The following TUBB variants were observed in gnomAD, a reference collection of about 807,000 sequenced individuals.
The protein encoded by TUBB is tubulin beta class I.
A neutral mutation model predicts 35.1 loss-of-function variants in TUBB; 2 were observed. That is an observed-to-expected ratio of 0.06 (90% CI 0.02 to 0.18). The LOEUF (loss-of-function observed/expected upper bound fraction) is 0.18, where lower values mean the gene tolerates loss of function less well. TUBB is among the 10% of genes least tolerant of loss of function. The pLI is 1.00. For missense variants in TUBB, 50 were observed against 599.4 expected, an observed-to-expected ratio of 0.08 and a Z score of 9.57; for synonymous variants, 205 against 223.8, an observed-to-expected ratio of 0.92 and a Z score of 0.75.
chr6:30,722,707 C>T, intron 2 of TUBB, 62 bp downstream of exon 2: 3 of 1,416,632 alleles, frequency 2.1e-6, no homozygotes, highest in South Asian at 1.2e-5. Context: ...TCTGGGATCT[C>T]TTTCCATTTC....
At chr6:30,720,589 T>C in intron 1 of TUBB, 26 bp downstream of exon 1, 2 of 1,599,658 alleles carry the variant, frequency 1.3e-6, no homozygotes, top group Non-Finnish European at 1.7e-6. Flanking sequence ...CTCTTTTATT[T>C]CTTTTTACAA....
chr6:30,720,448 T>G lies in TUBB; in HGVS notation c.-59T>G. The G allele has an allele frequency of 6.4e-7, 1 of 1,570,440 alleles. No homozygotes were observed. The highest frequency in any genetic ancestry group is 1.1e-5 in the South Asian group (1 of 90,048). On this transcript the variant is annotated 5_prime_UTR_variant, in exon 1 of 4. Coordinates refer to ENST00000327892, the MANE Select transcript of TUBB (RefSeq NM_178014.4). ...GCCTGCGACCTGCGGAGAAAAAAAA[T>G]TACTTATTTTCTTGCCCCATACATA...
At chr6:30,722,686 T>C in intron 2 of TUBB, 41 bp downstream of exon 2, 1 of 1,508,414 alleles carries the variant, frequency 6.6e-7, no homozygotes, top group Non-Finnish European at 9.2e-7. Flanking sequence ...CCCTTCCCTG[T>C]CTCCCACTTA....
chr6:30,722,801 A>C, intron 2 of TUBB, 117 bp from the exon 3 acceptor site: 1 of 1,134,808 alleles, frequency 8.8e-7, no homozygotes, highest in East Asian at 2.5e-5. Flanking sequence ...GTCTGCTGCC[A>C]CCTGGTGGCG....
intron 1 of TUBB, among the ~76,000 whole-genome samples, chr6:30,720,919 G>T (rs1385618907): frequency 1.3e-5 from 2 of 152,270 alleles, no homozygotes; most frequent in African/African-American, 4.8e-5. Context: ...TTTTGCCCAT[G>T]TGCATCCCGC....
At chr6:30,721,137 A>G (rs991736825) in intron 1 of TUBB, among the ~76,000 whole-genome samples, 4 of 152,234 alleles carry the variant, frequency 2.6e-5, no homozygotes, top group East Asian at 1.9e-4. Flanking sequence ...TGGAAGGAGA[A>G]TAAGAACGGG....
In TUBB at chr6:30,720,484, A is replaced by G; in HGVS notation, c.-23A>G. The G allele has an allele frequency of 6.2e-7, 1 of 1,614,080 alleles. No homozygotes were observed. The highest frequency in any genetic ancestry group is 8.5e-7 in the Non-Finnish European group (1 of 1,179,902). On this transcript the variant is annotated 5_prime_UTR_variant, in exon 1 of 4. Transcript: ENST00000327892. ...CTTGCCCCATACATACCTTGAGGCG[A>G]GCAAAAAAATTAAATTTTAACCATG...
chr6:30,722,233 CA>C, intron 1 of TUBB: 1 of 326,472 alleles, frequency 3.1e-6, no homozygotes. Flanking sequence ...ATCACGAGGT[CA>C]AGAGATCTAG....
chr6:30,724,137 C>T lies in TUBB; in HGVS notation c.1075C>T (p.Arg359Cys). Residue 359 changes from arginine (R) to cysteine (C), a missense_variant, in exon 4 of 4, where the codon CGT becomes TGT. Transcript: ENST00000327892. This position sits in a 1 kb window ranked among gnomAD's most constrained non-coding sequence, Gnocchi z 4.4. Reference sequence around the variant, plus strand: ...GACAGCCGTCTGTGACATCCCACCTCGTGGCCTCAAGATGGCAGTCACCTT... The same window carrying T: ...GACAGCCGTCTGTGACATCCCACCTTGTGGCCTCAAGATGGCAGTCACCTT... ...VKTAVCDIPP[R>C]GLKMAVTFIG... is the part of the protein sequence containing the mutation. 4 of 1,614,108 alleles carry T rather than the reference C, an allele frequency of 2.5e-6. No individual in the cohort carries two copies. The highest frequency in any genetic ancestry group is 1.7e-6 in the Non-Finnish European group (2 of 1,179,976).
At chr6:30,722,776 G>A (rs1776376466) in intron 2 of TUBB, 131 bp downstream of exon 2, 2 of 1,123,738 alleles carry the variant, frequency 1.8e-6, no homozygotes, top group Non-Finnish European at 2.6e-6. Flanking sequence ...GTGAACCACC[G>A]TCGGGGCCAA....
intron 1 of TUBB, chr6:30,721,541 A>G (rs1776251955): frequency 7.1e-6 from 7 of 984,870 alleles, no homozygotes; most frequent in South Asian, 9.4e-5. Context: ...GGCCCCGCCC[A>G]CGCGCGAAGT....
At chr6:30,722,374 C>CA in intron 1 of TUBB, 163 bp from the exon 2 acceptor site, 2 of 600,678 alleles carry the variant, frequency 3.3e-6, no homozygotes, top group Non-Finnish European at 6.0e-6. Flanking sequence ...ACCCGGGAAG[C>CA]AGAGGTTGCA....
rs3214320 is a variant in TUBB, at chr6:30,724,516, TGG to T, written c.*126_*127del. The T allele has an allele frequency of 2.6e-5, 22 of 860,650 alleles. No individual in the cohort carries two copies. In the East Asian group the frequency reaches 5.6e-4, roughly 22 times the overall value. The allele number at this position is 860,650 out of a possible 1,614,324, so 53.3% of individuals were successfully genotyped here. On this transcript the variant is annotated 3_prime_UTR_variant, in exon 4 of 4. Coordinates refer to ENST00000327892, the MANE Select transcript of TUBB (RefSeq NM_178014.4). This position sits in a 1 kb window ranked among gnomAD's most constrained non-coding sequence, Gnocchi z 4.4. ...CTATCTTGTTTTTTGTTTTTTCTTCTGGGGGGGGTCTAGAACAGTGCCTGGCA... is the reference window on the plus strand; with the variant it reads ...CTATCTTGTTTTTTGTTTTTTCTTCTGGGGGGTCTAGAACAGTGCCTGGCA...
chr6:30,720,369 C>T lies in TUBB; in HGVS notation c.-138C>T. The T allele has an allele frequency of 3.7e-6, 3 of 803,446 alleles. No individual in the cohort carries two copies. 49.8% of individuals were successfully genotyped at this position (803,446 alleles called of 1,614,324 possible). On this transcript the variant is annotated 5_prime_UTR_variant, in exon 1 of 4. Transcript: ENST00000327892. ...CTTTCTCCCTCTCAGAACCTTCCTG[C>T]CGTCGCGTTTGCACCTCGCTGCTCC...
rs1776450425 is a variant in TUBB at position 30,723,887 on chromosome 6, C to T, written c.825C>T (p.Ser275=). 1 of 1,614,050 alleles carries T rather than the reference C, an allele frequency of 6.2e-7. No individual in the cohort carries two copies. The highest frequency in any genetic ancestry group is 1.7e-5 in the Admixed American group (1 of 60,004). Residue 275 remains serine, a synonymous_variant, in exon 4 of 4, where the codon AGC becomes AGT. Coordinates refer to ENST00000327892, the MANE Select transcript of TUBB (RefSeq NM_178014.4). ...TGCCTGGCTTTGCCCCTCTCACCAG[C>T]CGTGGAAGCCAGCAGTATCGAGCTC... ...FFMPGFAPLT[S]RGSQQYRALT...
Position 30,724,507 on chromosome 6 carries a change from T to G in TUBB, c.*110T>G. On this transcript the variant is annotated 3_prime_UTR_variant, in exon 4 of 4. Transcript: ENST00000327892. The surrounding 1 kb of genome is among the most constrained non-coding windows in gnomAD (Gnocchi z 4.4). ...TTGCTGCCTCTATCTTGTTTTTTGT[T>G]TTTTCTTCTGGGGGGGGTCTAGAAC... 9.5e-7 allele frequency: 1 copy of G among 1,053,738 alleles called. No individual in the cohort carries two copies. The highest frequency in any genetic ancestry group is 1.3e-6 in the Non-Finnish European group (1 of 751,000). The allele number at this position is 1,053,738 out of a possible 1,614,324, so 65.3% of individuals were successfully genotyped here. A position where few individuals can be genotyped will look rare whatever the true frequency, so the allele number is the denominator to read the frequency against.
chr6:30,721,725 C>T, intron 1 of TUBB: 1 of 984,898 alleles, frequency 1.0e-6, no homozygotes, highest in Non-Finnish European at 1.2e-6. Flanking sequence ...TGGTCGACCT[C>T]CATCCGCCCA....
intron 3 of TUBB, 122 bp downstream of exon 3, chr6:30,723,150 C>A: frequency 1.0e-6 from 1 of 1,001,354 alleles, no homozygotes; most frequent in Non-Finnish European, 1.5e-6. Context: ...GAAATGTGTT[C>A]TGAAATCTAA....
At chr6:30,721,800 G>A in intron 1 of TUBB, 1 of 985,250 alleles carries the variant, frequency 1.0e-6, no homozygotes, top group African/African-American at 1.7e-5. Flanking sequence ...TCGGGGGAGC[G>A]AGTGTCTAGG....
Sources: allele counts gnomAD v4.1 joint callset (sites outside exome capture counted in the v4.1 genomes callset), GRCh38; gene constraint gnomAD v4.1.1; non-coding constraint Gnocchi (gnomAD v3.1); transcripts MANE v1.5; gene names NCBI Gene and HGNC (gene_info 2026-07-23, HGNC 2026-07-21).